Variants in IWS1 observed in about 807,000 individuals in gnomAD.
IWS1 encodes protein IWS1 homolog.
Under a neutral mutation model 86.7 loss-of-function variants are expected in IWS1, and 27 were observed. The ratio of observed to expected loss-of-function variants is 0.31; its 90% confidence interval spans 0.23 to 0.43. IWS1 has a LOEUF of 0.43. IWS1 is among the 20% of genes least tolerant of loss of function. IWS1 has a pLI of 1.00. For missense variants in IWS1, 827 were observed against 1,000.8 expected, an observed-to-expected ratio of 0.83 and a Z score of 2.34; for synonymous variants, 313 against 335.1, an observed-to-expected ratio of 0.93 and a Z score of 0.72.
chr2:127,504,420 AAC>A (rs1690998884), intron 3 of IWS1, among the ~76,000 whole-genome samples: 1 of 152,154 alleles, frequency 6.6e-6, no homozygotes, highest in African/African-American at 2.4e-5. Flanking sequence ...AAAAAAAAAA[AAC>A]AGTATTTTAT....
chr2:127,505,129 G>T lies in IWS1; in HGVS notation c.774C>A (p.His258Gln), dbSNP rs1265751243. 6.2e-7 allele frequency: 1 copy of T among 1,610,620 alleles called. No homozygotes were observed. Among genetic ancestry groups the T allele is most frequent in the Non-Finnish European group, 8.5e-7 (1 of 1,178,112 alleles). ...SDSESEDPPR[H>Q]QASDSENEEL... ...CTTCATTTTCTGAGTCACTGGCCTGGTGCCTCGGAGGGTCCTCACTTTCTG... is the reference window on the plus strand; with the variant it reads ...CTTCATTTTCTGAGTCACTGGCCTGTTGCCTCGGAGGGTCCTCACTTTCTG... Residue 258 changes from histidine (H) to glutamine (Q), a missense_variant, in exon 3 of 14, where the codon CAC becomes CAA. Coordinates refer to ENST00000295321, the MANE Select transcript of IWS1 (RefSeq NM_017969.3). The surrounding 1 kb of genome is among the most constrained non-coding windows in gnomAD (Gnocchi z 5.0).
intron 5 of IWS1, chr2:127,502,528 C>CG (rs1393180763): frequency 2.2e-5 from 5 of 228,756 alleles, no homozygotes; most frequent in African/African-American, 4.5e-5. Flanking sequence ...CTGTGAAAAT[C>CG]GGAAGTTCCC....
chr2:127,505,013 G>C lies in IWS1; in HGVS notation c.890C>G (p.Pro297Arg), dbSNP rs375566314. 1.4e-5 allele frequency: 23 copies of C among 1,613,302 alleles called. No homozygotes were observed. Among genetic ancestry groups the C allele is most frequent in the Non-Finnish European group, 1.9e-5 (23 of 1,179,800 alleles). Residue 297 changes from proline (P) to arginine (R), a missense_variant, in exon 3 of 14, where the codon CCC (proline) becomes CGC (arginine). Physicochemically the swap from Pro to Arg is moderately radical, Grantham distance 103. Transcript: ENST00000295321. This position sits in a 1 kb window ranked among gnomAD's most constrained non-coding sequence, Gnocchi z 5.0. ...SDSENEELPK[P>R]RVSDSESEGP... ...CTCACTCTCAGAGTCACTGACTCGG[G>C]GTTTGGGTAGCTCCTCATTTTCCGA...
At chr2:127,481,551 T>C (rs1422521940) in intron 13 of IWS1, among the ~76,000 whole-genome samples, 1 of 152,132 alleles carries the variant, frequency 6.6e-6, no homozygotes, top group Non-Finnish European at 1.5e-5. Flanking sequence ...CCGCTTGACA[T>C]GCACTTTCAA....
chr2:127,489,263 C>T lies in IWS1; in HGVS notation c.2160-28G>A. ...GAAAAAAAAGTAAACAAGGAGATACCAGGAATATTAGAACCTAATAACTCA... is the reference window on the plus strand; with the variant it reads ...GAAAAAAAAGTAAACAAGGAGATACTAGGAATATTAGAACCTAATAACTCA... On this transcript the variant is annotated intron_variant, in intron 11 of 13. Coordinates refer to ENST00000295321, the MANE Select transcript of IWS1 (RefSeq NM_017969.3). The surrounding 1 kb of genome is among the most constrained non-coding windows in gnomAD (Gnocchi z 4.8). The T allele has an allele frequency of 3.2e-6, 5 of 1,566,496 alleles. No homozygotes were observed. Among genetic ancestry groups the T allele is most frequent in the Non-Finnish European group, 4.4e-6 (5 of 1,140,008 alleles).
chr2:127,486,051 A>C (rs1689913660), intron 13 of IWS1: 1 of 153,924 alleles, frequency 6.5e-6, no homozygotes, highest in African/African-American at 2.4e-5. Context: ...TAGTAGTTTG[A>C]TTGGAGAATA....
intron 8 of IWS1, 74 bp from the exon 9 acceptor site, chr2:127,493,484 T>C (rs984602210): frequency 1.7e-5 from 23 of 1,378,406 alleles, no homozygotes; most frequent in Non-Finnish European, 2.2e-5. Context: ...CTTACATATT[T>C]AGTGATGTTT....
chr2:127,496,019 G>A lies in IWS1; in HGVS notation c.1695C>T (p.Val565=). The A allele has an allele frequency of 6.2e-7, 1 of 1,613,190 alleles. No individual in the cohort carries two copies. Among genetic ancestry groups the A allele is most frequent in the Admixed American group, 1.7e-5 (1 of 59,736 alleles). The change falls in exon 7 of 14, where the codon GTC becomes GTT. Residue 565 remains valine, a synonymous_variant. Transcript: ENST00000295321. The stretch of plus-strand genomic sequence containing the variant: ...TCACCTCAGCAGCTTCATTCATCTT[G>A]ACGATCATGGCACTCACGACGTCGT... ...DADDVVSAMI[V]KMNEAAEEDR... is the part of the protein sequence containing the mutation.
chr2:127,505,366 T>G lies in IWS1; in HGVS notation c.537A>C (p.Lys179Asn), dbSNP rs1201921675. The change falls in exon 3 of 14, where the codon AAA (lysine) becomes AAC (asparagine). Residue 179 changes from lysine to asparagine, a missense_variant. By Grantham distance (94) the Lys-to-Asn change is moderately conservative. This residue lies in a region of IWS1 where 548 missense variants were observed against 560.2 expected (regional missense o/e 0.98). Coordinates refer to ENST00000295321, the MANE Select transcript of IWS1 (RefSeq NM_017969.3). The surrounding 1 kb of genome is among the most constrained non-coding windows in gnomAD (Gnocchi z 5.0). ...CACTCTCAGAGTCACTGATTTGAGG[T>G]TTTAGAGCATCTTCTGTTTCAGAGT... ...ASDSETEDALKPQISDSESEE... is the reference protein window; with the variant it reads ...ASDSETEDALNPQISDSESEE... 1 of 1,613,920 alleles carries G rather than the reference T, an allele frequency of 6.2e-7. No homozygotes were observed. The highest frequency in any genetic ancestry group is 8.5e-7 in the Non-Finnish European group (1 of 1,179,974).
chr2:127,501,734 T>C (rs199909281), intron 5 of IWS1: 2 of 149,114 alleles, frequency 1.3e-5, no homozygotes, highest in East Asian at 4.2e-4. Flanking sequence ...CCCATTTTTC[T>C]TTTCAAACAG....
At chr2:127,493,966 T>A (rs1052746310) in intron 8 of IWS1, among the ~76,000 whole-genome samples, 1 of 152,044 alleles carries the variant, frequency 6.6e-6, no homozygotes, top group East Asian at 1.9e-4. Flanking sequence ...CCTGTTAGAA[T>A]AGAGGGAGAA....
rs548213992 is a variant in IWS1 at position 127,503,505 on chromosome 2, T to C, written c.1291A>G (p.Lys431Glu). The C allele has an allele frequency of 1.3e-5, 21 of 1,613,734 alleles. No individual in the cohort carries two copies. The South Asian group carries it at 1.8e-4, about 14-fold the overall frequency. The change falls in exon 4 of 14, where the codon AAA becomes GAA. Residue 431 changes from lysine (K) to glutamate (E), a missense_variant. Transcript: ENST00000295321. ...TCAGATGCTATGGTCTTCTCTCTTT[T>C]GCCTGACTTGTCTGATACAGCATCA... Reference protein sequence around the residue: ...DSDAVSDKSGKREKTIASDSE... With the variant: ...DSDAVSDKSGEREKTIASDSE...
chr2:127,525,493 G>A (rs556149288), intron 1 of IWS1, among the ~76,000 whole-genome samples: 40 of 152,286 alleles, frequency 2.6e-4, no homozygotes, highest in African/African-American at 9.4e-4. Context: ...AACAGGACTA[G>A]CACACAAAGG....
chr2:127,515,915 C>T (rs1050725566), intron 2 of IWS1, among the ~76,000 whole-genome samples: 2 of 152,208 alleles, frequency 1.3e-5, no homozygotes, highest in African/African-American at 4.8e-5. Flanking sequence ...CCAGTGCCTG[C>T]TGCTGTGGCT....
At position 127,492,007 on chromosome 2, in the gene IWS1, A is replaced by G; in HGVS notation, c.2011T>C (p.Ser671Pro). 1 of 1,613,564 alleles carries G rather than the reference A, an allele frequency of 6.2e-7. No homozygotes were observed. Among genetic ancestry groups the G allele is most frequent in the Non-Finnish European group, 8.5e-7 (1 of 1,179,632 alleles). ...VMYLYKHPKE[S>P]RSNKDMAGKL... Reference sequence around the variant, plus strand: ...CCTGCCATGTCCTTGTTAGACCTTGACTCCTTGGGGTGTTTATAGAGATAC... The same window carrying G: ...CCTGCCATGTCCTTGTTAGACCTTGGCTCCTTGGGGTGTTTATAGAGATAC... The change falls in exon 10 of 14, where the codon TCA becomes CCA. Residue 671 changes from serine (S) to proline (P), a missense_variant. Ser to Pro is a moderately conservative substitution (Grantham distance 74). Transcript: ENST00000295321.
In IWS1 at chr2:127,496,550, TACACACACACACAC is replaced by T. The variant is rs36048775; in HGVS notation, c.1566-416_1566-403del. Among the ~76,000 whole-genome samples the T allele has an allele frequency of 1.4e-4, 19 of 140,426 alleles. No homozygotes were observed. In the South Asian group the frequency reaches 2.3e-3, roughly 17 times the overall value. The allele number at this position is 140,426 out of a possible 152,430, so 92.1% of individuals were successfully genotyped here. A position where few individuals can be genotyped will look rare whatever the true frequency, so the allele number is the denominator to read the frequency against. On this transcript the variant is annotated intron_variant, in intron 6 of 13. Coordinates refer to ENST00000295321, the MANE Select transcript of IWS1 (RefSeq NM_017969.3). ...TAAACAGGTGTACCATATTTTATCATACACACACACACACACACACACACACACACACACATTTT... is the reference window on the plus strand; with the variant it reads ...TAAACAGGTGTACCATATTTTATCATACACACACACACACACACACATTTT...
At chr2:127,496,337 T>A (rs929992204) in intron 6 of IWS1, among the ~76,000 whole-genome samples, 189 bp from the exon 7 acceptor site, 14 of 152,132 alleles carry the variant, frequency 9.2e-5, no homozygotes, top group African/African-American at 3.4e-4. Context: ...AATACGACGG[T>A]GGCCATCCAG....
At chr2:127,523,908 TAACTA>T in intron 1 of IWS1, 117 bp from the exon 2 acceptor site, 1 of 676,348 alleles carries the variant, frequency 1.5e-6, no homozygotes, top group Non-Finnish European at 2.6e-6. Context: ...GAGGAAGCAT[TAACTA>T]AAGTTGCTAA....
chr2:127,494,891 C>A lies in IWS1; in HGVS notation c.1780G>T (p.Val594Leu). 1.2e-6 allele frequency: 2 copies of A among 1,601,164 alleles called. No individual in the cohort carries two copies. The highest frequency in any genetic ancestry group is 1.1e-5 in the South Asian group (1 of 88,788). Residue 594 changes from valine to leucine, a missense_variant, in exon 8 of 14, where the codon GTA (valine) becomes TTA (leucine). Around this residue, in one of 2 missense-constraint regions of IWS1, gnomAD observed 279 missense variants for 440.6 expected, o/e 0.63. Coordinates refer to ENST00000295321, the MANE Select transcript of IWS1 (RefSeq NM_017969.3). Reference sequence around the variant, plus strand: ...ACTTACTTCTTAAGGTGCATAACTACAGCAGGCAGTAAAGTTAATTTTTTC... The same window carrying A: ...ACTTACTTCTTAAGGTGCATAACTAAAGCAGGCAGTAAAGTTAATTTTTTC... ...ALKKLTLLPA[V>L]VMHLKKQDLK...
Sources: allele counts gnomAD v4.1 joint callset (sites outside exome capture counted in the v4.1 genomes callset), GRCh38; gene constraint gnomAD v4.1.1; regional missense constraint gnomAD v4.1.1; non-coding constraint Gnocchi (gnomAD v3.1); transcripts MANE v1.5; gene names NCBI Gene and HGNC (gene_info 2026-07-23, HGNC 2026-07-21).